FMNL1: variants seen among roughly 807,000 people sequenced by gnomAD.
The protein encoded by FMNL1 is formin-like protein 1.
Under a neutral mutation model 121.3 loss-of-function variants are expected in FMNL1, and 43 were observed. That is an observed-to-expected ratio of 0.35 (90% CI 0.28 to 0.46). The LOEUF (loss-of-function observed/expected upper bound fraction) is 0.46, where lower values mean the gene tolerates loss of function less well. FMNL1 is among the 20% of genes least tolerant of loss of function. The probability of loss-of-function intolerance (pLI) is 1.00; values close to 1 mark genes in which losing one functional copy is unlikely to be tolerated. For synonymous variants in FMNL1, 613 were observed against 613.5 expected (o/e 1.00, Z 0.01); for missense variants, 1,191 against 1,482.4 (o/e 0.80, Z 3.23).
At chr17:45,244,715 G>A (rs905450558) in intron 19 of FMNL1, 104 bp from the exon 20 acceptor site, 1 of 1,193,028 alleles carries the variant, frequency 8.4e-7, no homozygotes, top group Non-Finnish European at 1.2e-6. Flanking sequence ...GGGGCTGAGT[G>A]TGTGGGGCCT....
intron 12 of FMNL1, 198 bp downstream of exon 12, chr17:45,240,823 A>C: frequency 1.2e-6 from 1 of 823,254 alleles, no homozygotes; most frequent in Non-Finnish European, 1.8e-6. Flanking sequence ...AGTGTGGGTG[A>C]GCACCCTCAC....
chr17:45,247,055 G>A lies in FMNL1; in HGVS notation c.*197G>A. ...AGGAAGGTGGTCCTCAGCTCGGCTGGCCGGGCAGCCCCTCCTCCGCTGTGG... is the reference window on the plus strand; with the variant it reads ...AGGAAGGTGGTCCTCAGCTCGGCTGACCGGGCAGCCCCTCCTCCGCTGTGG... On this transcript the variant is annotated 3_prime_UTR_variant, in exon 27 of 27. Transcript: ENST00000331495. The A allele has an allele frequency of 1.6e-6, 1 of 632,926 alleles. No individual in the cohort carries two copies. Among genetic ancestry groups the A allele is most frequent in the Non-Finnish European group, 2.9e-6 (1 of 343,820 alleles). The allele number at this position is 632,926 out of a possible 1,614,324, so 39.2% of individuals were successfully genotyped here.
chr17:45,237,654 C>T lies in FMNL1; in HGVS notation c.894+15C>T, dbSNP rs781297010. On this transcript the variant is annotated intron_variant, in intron 9 of 26. Coordinates refer to ENST00000331495, the MANE Select transcript of FMNL1 (RefSeq NM_005892.4). The surrounding 1 kb of genome is among the most constrained non-coding windows in gnomAD (Gnocchi z 4.4). Reference sequence around the variant, plus strand: ...ACTTCAAGGAGGTACCGGAGTCCCTCACCCAAACATGCATTTCCCCCTATG... The same window carrying T: ...ACTTCAAGGAGGTACCGGAGTCCCTTACCCAAACATGCATTTCCCCCTATG... 1 of 1,613,512 alleles carries T rather than the reference C, an allele frequency of 6.2e-7. No individual in the cohort carries two copies. The highest frequency in any genetic ancestry group is 1.1e-5 in the South Asian group (1 of 91,052).
In FMNL1 at chr17:45,233,592, C is replaced by A; in HGVS notation, c.402-56C>A. On this transcript the variant is annotated intron_variant, in intron 4 of 26. Coordinates refer to ENST00000331495, the MANE Select transcript of FMNL1 (RefSeq NM_005892.4). This position sits in a 1 kb window ranked among gnomAD's most constrained non-coding sequence, Gnocchi z 4.1. ...GGTCCTTGCTGTCCCTGTTCTGTGC[C>A]CATGTGGGGCAGGACCTCCTTTCTG... 6.2e-7 allele frequency: 1 copy of A among 1,601,612 alleles called. No homozygotes were observed. The highest frequency in any genetic ancestry group is 8.5e-7 in the Non-Finnish European group (1 of 1,169,894).
chr17:45,246,920 C>T lies in FMNL1; in HGVS notation c.*62C>T, dbSNP rs755966795. 4 of 758,220 alleles carry T rather than the reference C, an allele frequency of 5.3e-6. No homozygotes were observed. The highest frequency in any genetic ancestry group is 3.4e-5 in the African/African-American group (2 of 59,058). The allele number at this position is 758,220 out of a possible 1,614,324, so 47.0% of individuals were successfully genotyped here. A position where few individuals can be genotyped will look rare whatever the true frequency, so the allele number is the denominator to read the frequency against. ...AGACACAGGCCGCCGCAGTGCCCGT[C>T]GGCGTCCCCCGGGCCCCCCACTGCA... is the stretch of plus-strand genomic sequence containing the variant. On this transcript the variant is annotated 3_prime_UTR_variant, in exon 27 of 27. Coordinates refer to ENST00000331495, the MANE Select transcript of FMNL1 (RefSeq NM_005892.4).
At position 45,246,849 on chromosome 17, in the gene FMNL1, G is replaced by A. The variant is rs1426536743; in HGVS notation, c.*9-18G>A. 1 of 713,612 alleles carries A rather than the reference G, an allele frequency of 1.4e-6. No homozygotes were observed. 44.2% of individuals were successfully genotyped at this position (713,612 alleles called of 1,614,324 possible). A position where few individuals can be genotyped will look rare whatever the true frequency, so the allele number is the denominator to read the frequency against. On this transcript the variant is annotated intron_variant, in intron 26 of 26. Transcript: ENST00000331495. ...GGGCGGACTCCTGAATGGTAAATGT[G>A]TCTCCTTCGGCTGCCAGATCTGCGG...
Position 45,241,416 on chromosome 17 carries a change from C to T in FMNL1, c.1367C>T (p.Ser456Phe), listed in dbSNP as rs759257998. ...AGCGAATCGACCGCCATGGGGCCCT[C>T]CAGGCGTCCCCCAGAGCCTGAGAAA... ...RFSESTAMGP[S>F]RRPPEPEKAP... The change falls in exon 14 of 27, where the codon TCC (serine) becomes TTC (phenylalanine). Residue 456 changes from serine to phenylalanine, a missense_variant. By Grantham distance (155) the Ser-to-Phe change is radical. Transcript: ENST00000331495. The surrounding 1 kb of genome is among the most constrained non-coding windows in gnomAD (Gnocchi z 7.0). 6.4e-7 allele frequency: 1 copy of T among 1,561,442 alleles called. No homozygotes were observed. Among genetic ancestry groups the T allele is most frequent in the Non-Finnish European group, 8.7e-7 (1 of 1,153,670 alleles).
At chr17:45,223,280 G>A (rs145810706) in intron 1 of FMNL1, among the ~76,000 whole-genome samples, 22 of 152,328 alleles carry the variant, frequency 1.4e-4, no homozygotes, top group Admixed American at 1.0e-3. Flanking sequence ...GGGGCTCAAC[G>A]GAGACACAGG....
At position 45,231,421 on chromosome 17, in the gene FMNL1, G is replaced by C. The variant is rs1374877429; in HGVS notation, c.213+734G>C. 1.3e-5 allele frequency: 2 copies of C among 152,450 alleles called. No individual in the cohort carries two copies. The highest frequency in any genetic ancestry group is 2.9e-5 in the Non-Finnish European group (2 of 68,198). 9.4% of individuals were successfully genotyped at this position (152,450 alleles called of 1,614,324 possible). A position where few individuals can be genotyped will look rare whatever the true frequency, so the allele number is the denominator to read the frequency against. ...GCTAATGAAGCAGATGGCCTGAGCC[G>C]GCTGGGCAGCAGTCCAGGGGTAAGG... On this transcript the variant is annotated intron_variant, in intron 2 of 26. Coordinates refer to ENST00000331495, the MANE Select transcript of FMNL1 (RefSeq NM_005892.4). This position sits in a 1 kb window ranked among gnomAD's most constrained non-coding sequence, Gnocchi z 4.7.
chr17:45,246,126 C>G, intron 24 of FMNL1, 84 bp from the exon 25 acceptor site: 1 of 1,548,694 alleles, frequency 6.5e-7, no homozygotes. Context: ...AGCCAGCTGT[C>G]CTTGCTGTGG....
intron 1 of FMNL1, among the ~76,000 whole-genome samples, chr17:45,228,665 T>C (rs529988705): frequency 4.3e-4 from 66 of 152,268 alleles, no homozygotes; most frequent in African/African-American, 1.6e-3. Flanking sequence ...ACCTGACTGT[T>C]GGAGATGTCA....
At chr17:45,223,842 C>T (rs962851820) in intron 1 of FMNL1, among the ~76,000 whole-genome samples, 4 of 152,128 alleles carry the variant, frequency 2.6e-5, no homozygotes, top group Non-Finnish European at 2.9e-5. Context: ...CTGTTTAGCA[C>T]GCTGATGGGG....
rs546994634 is a variant in FMNL1 at position 45,246,426 on chromosome 17, A to G, written c.3212-79A>G. On this transcript the variant is annotated intron_variant, in intron 25 of 26. Transcript: ENST00000331495. ...TATCCTCTGGGGGACTGGCTGCCACACTGCTTCTTGCTACCTTTTCTGTTT... is the reference window on the plus strand; with the variant it reads ...TATCCTCTGGGGGACTGGCTGCCACGCTGCTTCTTGCTACCTTTTCTGTTT... 139 of 1,612,808 alleles carry G rather than the reference A, an allele frequency of 8.6e-5. No individual in the cohort carries two copies. In the African/African-American group the frequency reaches 1.5e-3, roughly 18 times the overall value.
chr17:45,222,211 G>A lies in FMNL1; in HGVS notation c.87G>A (p.Met29Ile). Residue 29 changes from methionine to isoleucine, a missense_variant, in exon 1 of 27, where the codon ATG (methionine) becomes ATA (isoleucine). Met to Ile is a conservative substitution (Grantham distance 10). Transcript: ENST00000331495. The part of the protein sequence containing the change: ...PKQPAPPKQP[M>I]PAAGELEERF... The stretch of plus-strand genomic sequence containing the variant: ...AGCCCGCGCCTCCCAAGCAGCCGAT[G>A]CCCGCGGCCGGAGAGCTGGAGGAGA... 1 of 1,253,658 alleles carries A rather than the reference G, an allele frequency of 8.0e-7. No individual in the cohort carries two copies. The highest frequency in any genetic ancestry group is 1.0e-6 in the Non-Finnish European group (1 of 993,674). 77.7% of individuals were successfully genotyped at this position (1,253,658 alleles called of 1,614,324 possible).
Position 45,237,198 on chromosome 17 carries a change from G to A in FMNL1, c.724-83G>A, listed in dbSNP as rs1417412752. 1 of 1,264,390 alleles carries A rather than the reference G, an allele frequency of 7.9e-7. No individual in the cohort carries two copies. Among genetic ancestry groups the A allele is most frequent in the Non-Finnish European group, 1.2e-6 (1 of 869,212 alleles). The allele number at this position is 1,264,390 out of a possible 1,614,324, so 78.3% of individuals were successfully genotyped here. ...ATACAAAGAACTTCCTAAACTCGAG[G>A]GCAGTTAAAGATCCACGTGGCGTGG... is the stretch of plus-strand genomic sequence containing the variant. On this transcript the variant is annotated intron_variant, in intron 7 of 26. Transcript: ENST00000331495. This position sits in a 1 kb window ranked among gnomAD's most constrained non-coding sequence, Gnocchi z 4.4.
rs1319699075 is a variant in FMNL1, at chr17:45,231,733, G to A, written c.214-634G>A. Among the ~76,000 whole-genome samples, 1 of 152,122 alleles carries A rather than the reference G, an allele frequency of 6.6e-6. No homozygotes were observed. The highest frequency in any genetic ancestry group is 1.5e-5 in the Non-Finnish European group (1 of 68,002). Reference sequence around the variant, plus strand: ...ATCACTGAGCACAGGAGAGGAGCACGCAGGTTCCTGCCAACGCAGATGTGC... The same window carrying A: ...ATCACTGAGCACAGGAGAGGAGCACACAGGTTCCTGCCAACGCAGATGTGC... On this transcript the variant is annotated intron_variant, in intron 2 of 26. Coordinates refer to ENST00000331495, the MANE Select transcript of FMNL1 (RefSeq NM_005892.4). The surrounding 1 kb of genome is among the most constrained non-coding windows in gnomAD (Gnocchi z 4.7).
intron 12 of FMNL1, 76 bp downstream of exon 12, chr17:45,240,701 T>G (rs1004655008): frequency 3.3e-6 from 5 of 1,521,560 alleles, no homozygotes; most frequent in Middle Eastern, 2.4e-4. Context: ...CACGCAAGCA[T>G]GGGCACTGGG....
rs1364724783 is a variant in FMNL1, at chr17:45,244,824, C to G, written c.2523C>G (p.Val841=). 6.2e-7 allele frequency: 1 copy of G among 1,612,836 alleles called. No homozygotes were observed. Among genetic ancestry groups the G allele is most frequent in the Non-Finnish European group, 8.5e-7 (1 of 1,179,376 alleles). ...SDKLRQILEI[V]LAFGNYMNSS... ...CTTTCTCCTGCCTCTCCCAGATTGTCCTGGCCTTTGGCAACTACATGAACA... is the reference window on the plus strand; with the variant it reads ...CTTTCTCCTGCCTCTCCCAGATTGTGCTGGCCTTTGGCAACTACATGAACA... Residue 841 remains valine, a synonymous_variant, in exon 20 of 27, where the codon GTC becomes GTG. Coordinates refer to ENST00000331495, the MANE Select transcript of FMNL1 (RefSeq NM_005892.4).
At chr17:45,229,814 T>C (rs1180091894) in intron 1 of FMNL1, among the ~76,000 whole-genome samples, 3 of 152,098 alleles carry the variant, frequency 2.0e-5, no homozygotes, top group Non-Finnish European at 2.9e-5. Flanking sequence ...TCTGTTGACC[T>C]TTCTCAGCTC....
Sources: gnomAD v4.1 joint callset for allele counts (sites outside exome capture counted in the v4.1 genomes callset) on GRCh38, gnomAD v4.1.1 for gene constraint, Gnocchi (gnomAD v3.1) non-coding constraint, MANE v1.5 for transcripts, NCBI Gene and HGNC (gene_info 2026-07-23, HGNC 2026-07-21) for gene names.